The following ADGRL3 variants were observed in gnomAD, a reference collection of about 807,000 sequenced individuals.
The protein encoded by ADGRL3 is adhesion G protein-coupled receptor L3, also known as calcium-independent alpha-latrotoxin receptor 3.
A neutral mutation model predicts 153.5 loss-of-function variants in ADGRL3; 62 were observed. The observed-to-expected ratio is 0.40, with a 90% CI of 0.33 to 0.50. The LOEUF is 0.50. Ranked by LOEUF, ADGRL3 falls within the 20% of genes least tolerant of loss-of-function variation. ADGRL3 has a pLI of 0.47. For synonymous variants in ADGRL3, 710 were observed against 672.5 expected (o/e 1.06, Z -0.86); for missense variants, 1,641 against 1,859.4 (o/e 0.88, Z 2.16).
Position 61,892,923 on chromosome 4 carries a change from A to C in ADGRL3, c.1748A>C (p.Gln583Pro). ...EIMWFKTRQG[Q>P]IAKQPCPAGT... ...ATGTGGTTTAAGACTCGTCAAGGAC[A>C]GATAGCAAAGCAGCCATGCCCTGCA... The change falls in exon 10 of 27, where the codon CAG becomes CCG. Residue 583 changes from glutamine to proline, a missense_variant. Gln to Pro is a moderately conservative substitution (Grantham distance 76). Around this residue, in one of 5 missense-constraint regions of ADGRL3, gnomAD observed 734 missense variants for 797.0 expected, o/e 0.92. Transcript: ENST00000683033. The C allele has an allele frequency of 6.5e-7, 1 of 1,546,912 alleles. No individual in the cohort carries two copies. Among genetic ancestry groups the C allele is most frequent in the Non-Finnish European group, 8.7e-7 (1 of 1,151,634 alleles).
At chr4:61,672,640 T>C (rs2095046811) in intron 5 of ADGRL3, among the ~76,000 whole-genome samples, 1 of 152,006 alleles carries the variant, frequency 6.6e-6, no homozygotes, top group African/African-American at 2.4e-5. Context: ...ACTGCATACC[T>C]GTTAGAAGGG....
intron 1 of ADGRL3, among the ~76,000 whole-genome samples, chr4:61,341,226 A>G (rs906532576): frequency 6.6e-6 from 1 of 151,958 alleles, no homozygotes; most frequent in Admixed American, 6.6e-5. Flanking sequence ...AAATCAATAA[A>G]TTTTGAGGAA....
intron 1 of ADGRL3, among the ~76,000 whole-genome samples, chr4:61,312,947 A>G (rs1305156369): frequency 6.6e-6 from 1 of 152,186 alleles, no homozygotes; most frequent in Admixed American, 6.5e-5. Flanking sequence ...CTCATTCTTA[A>G]TTGCCAAAAC....
intron 3 of ADGRL3, among the ~76,000 whole-genome samples, chr4:61,508,380 A>G (rs1262331989): frequency 1.3e-5 from 2 of 152,160 alleles, no homozygotes; most frequent in African/African-American, 4.8e-5. Context: ...ATTCACAGCC[A>G]TGTGTTTGAC....
At chr4:61,243,825 GTCA>G (rs1755955560) in intron 1 of ADGRL3, among the ~76,000 whole-genome samples, 1 of 151,902 alleles carries the variant, frequency 6.6e-6, no homozygotes, top group South Asian at 2.1e-4. Flanking sequence ...TTTTAATACG[GTCA>G]TCATAAAATA....
At chr4:61,414,605 G>C (rs915990336) in intron 2 of ADGRL3, among the ~76,000 whole-genome samples, 3 of 151,840 alleles carry the variant, frequency 2.0e-5, no homozygotes, top group Non-Finnish European at 2.9e-5. Context: ...ATTGGTCATT[G>C]AGTGGTTTTG....
intron 1 of ADGRL3, among the ~76,000 whole-genome samples, chr4:61,349,329 A>C (rs574995068): frequency 5.7e-4 from 87 of 152,078 alleles, no homozygotes; most frequent in Non-Finnish European, 9.3e-4. Context: ...AAAGCAGATA[A>C]TAGTAATTTT....
chr4:61,870,738 T>C (rs1208561796), intron 9 of ADGRL3, among the ~76,000 whole-genome samples: 2 of 152,178 alleles, frequency 1.3e-5, no homozygotes, highest in Non-Finnish European at 2.9e-5. Flanking sequence ...AAAACTATAA[T>C]GCAATACCAC....
intron 1 of ADGRL3, among the ~76,000 whole-genome samples, chr4:61,342,180 T>C (rs1007484904): frequency 1.3e-5 from 2 of 152,172 alleles, no homozygotes; most frequent in Non-Finnish European, 2.9e-5. Context: ...GGGTTTTTTA[T>C]GATTCCTGGA....
At chr4:61,957,170 A>G (rs1432702893) in intron 17 of ADGRL3, among the ~76,000 whole-genome samples, 1 of 152,170 alleles carries the variant, frequency 6.6e-6, no homozygotes, top group East Asian at 1.9e-4. Flanking sequence ...ATCCATGAAG[A>G]TGGGATGTTT....
chr4:61,280,028 C>T lies in ADGRL3; in HGVS notation c.-240+78263C>T, dbSNP rs549361306. On this transcript the variant is annotated intron_variant, in intron 1 of 26. Coordinates refer to ENST00000683033, the MANE Select transcript of ADGRL3 (RefSeq NM_001387552.1). ...GTACCTTCATCCCAGAAAAGGTTGA[C>T]ACTAATAGAGGAGATACAAACCCAG... Among the ~76,000 whole-genome samples the T allele has an allele frequency of 2.0e-5, 3 of 151,844 alleles. No individual in the cohort carries two copies. In the South Asian group the frequency reaches 6.3e-4, roughly 32 times the overall value.
At chr4:61,793,938 A>G (rs1417132272) in intron 8 of ADGRL3, among the ~76,000 whole-genome samples, 1 of 152,234 alleles carries the variant, frequency 6.6e-6, no homozygotes, top group Non-Finnish European at 1.5e-5. Context: ...AGTAACTTAA[A>G]GTAAAATATA....
chr4:61,855,035 T>C (rs1426520316), intron 9 of ADGRL3, among the ~76,000 whole-genome samples: 1 of 152,038 alleles, frequency 6.6e-6, no homozygotes, highest in Non-Finnish European at 1.5e-5. Context: ...TAAGAAGATA[T>C]GACAACTGAA....
At chr4:61,240,452 A>T (rs1034297971) in intron 1 of ADGRL3, among the ~76,000 whole-genome samples, 3 of 152,168 alleles carry the variant, frequency 2.0e-5, no homozygotes, top group African/African-American at 4.8e-5. Flanking sequence ...CCCATCTCTA[A>T]GGAAGACTTT....
chr4:61,323,756 C>T (rs1199152957), intron 1 of ADGRL3, among the ~76,000 whole-genome samples: 1 of 152,158 alleles, frequency 6.6e-6, no homozygotes, highest in Non-Finnish European at 1.5e-5. Context: ...CCAAACTTTC[C>T]TACATTTTCC....
intron 8 of ADGRL3, among the ~76,000 whole-genome samples, chr4:61,776,996 G>T (rs779971208): frequency 2.0e-5 from 3 of 152,168 alleles, no homozygotes; most frequent in Non-Finnish European, 2.9e-5. Flanking sequence ...CAGGTTAAAT[G>T]ATTTGGAATT....
intron 1 of ADGRL3, among the ~76,000 whole-genome samples, chr4:61,211,418 C>T (rs1739953029): frequency 1.3e-5 from 2 of 152,126 alleles, no homozygotes; most frequent in Admixed American, 1.3e-4. Flanking sequence ...TCATCAGCTT[C>T]GTGGAGGCAG....
intron 4 of ADGRL3, among the ~76,000 whole-genome samples, chr4:61,575,173 CCTTT>C (rs1451605044): frequency 6.6e-6 from 1 of 151,870 alleles, no homozygotes. Flanking sequence ...TTTTAATCAT[CCTTT>C]CTACTTTCTC....
chr4:61,861,849 GC>G (rs780722853), intron 9 of ADGRL3, among the ~76,000 whole-genome samples: 18 of 151,998 alleles, frequency 1.2e-4, no homozygotes, highest in Non-Finnish European at 2.5e-4. Context: ...TTACTTGAAG[GC>G]CCGCCCTACC....
Sources: gnomAD v4.1 joint callset for allele counts (sites outside exome capture counted in the v4.1 genomes callset) on GRCh38, gnomAD v4.1.1 for gene constraint, gnomAD v4.1.1 regional missense constraint, MANE v1.5 for transcripts, NCBI Gene and HGNC (gene_info 2026-07-23, HGNC 2026-07-21) for gene names.